The following EPHA5 variants were observed in gnomAD, a reference collection of about 807,000 sequenced individuals.
The protein encoded by EPHA5 is ephrin type-A receptor 5.
In EPHA5, 60 loss-of-function variants were observed where a neutral mutation model predicts 105.0. The observed-to-expected ratio is 0.57, with a 90% CI of 0.46 to 0.71. EPHA5 has a LOEUF of 0.71. Among genes scored for constraint, EPHA5 ranks in the 30% least tolerant of loss-of-function variants. EPHA5 has a pLI of 0.00. For missense variants in EPHA5, 1,218 were observed against 1,274.7 expected (o/e 0.96, Z 0.68); for synonymous variants, 513 against 449.1 (o/e 1.14, Z -1.80).
At chr4:65,514,893 A>G (rs554151705) in intron 3 of EPHA5, among the ~76,000 whole-genome samples, 2 of 152,022 alleles carry the variant, frequency 1.3e-5, no homozygotes, top group East Asian at 1.9e-4. Context: ...CTTGACCTCA[A>G]CTCCAATAAT....
At chr4:65,398,296 C>G (rs1292111187) in intron 8 of EPHA5, among the ~76,000 whole-genome samples, 1 of 152,152 alleles carries the variant, frequency 6.6e-6, no homozygotes, top group Non-Finnish European at 1.5e-5. Context: ...GCTGACACAG[C>G]AGTCCCCTGT....
rs1470605422 is a variant in EPHA5, at chr4:65,538,612, G to A, written c.911-43069C>T. Reference sequence around the variant, plus strand: ...AAAAATAAAAAGATTAACAGATGGAGTCAAGAGCAGAGACAGACAAGTGAC... The same window carrying A: ...AAAAATAAAAAGATTAACAGATGGAATCAAGAGCAGAGACAGACAAGTGAC... On this transcript the variant is annotated intron_variant, in intron 3 of 16. Transcript: ENST00000613740. Among the ~76,000 whole-genome samples the A allele has an allele frequency of 2.0e-5, 3 of 151,628 alleles. No homozygotes were observed. In the East Asian group the frequency reaches 5.8e-4, roughly 29 times the overall value.
intron 3 of EPHA5, among the ~76,000 whole-genome samples, chr4:65,571,075 C>T (rs1330397531): frequency 1.3e-5 from 2 of 151,626 alleles, no homozygotes; most frequent in Non-Finnish European, 2.9e-5. Flanking sequence ...TTTCTTTTTC[C>T]CTCCCTCTTC....
chr4:65,575,848 G>C (rs1355206231), intron 3 of EPHA5, among the ~76,000 whole-genome samples: 1 of 151,144 alleles, frequency 6.6e-6, no homozygotes, highest in Non-Finnish European at 1.5e-5. Flanking sequence ...GTAGTGATGG[G>C]CGCCTGTAAT....
At chr4:65,585,361 CA>C (rs964020672) in intron 3 of EPHA5, among the ~76,000 whole-genome samples, 12 of 148,396 alleles carry the variant, frequency 8.1e-5, no homozygotes, top group Non-Finnish European at 1.5e-4. Flanking sequence ...TTGGAGAAAA[CA>C]AAAAAAATCA....
intron 5 of EPHA5, among the ~76,000 whole-genome samples, chr4:65,458,465 T>C (rs1727822150): frequency 6.6e-6 from 1 of 152,202 alleles, no homozygotes; most frequent in African/African-American, 2.4e-5. Flanking sequence ...CATCTTAGCA[T>C]GTCCAAATCC....
At chr4:65,336,788 G>A (rs17086096) in intron 14 of EPHA5, among the ~76,000 whole-genome samples, 2,142 of 152,114 alleles carry the variant, frequency 0.014, 63 homozygotes, top group African/African-American at 0.049. Context: ...TAATTGTGAG[G>A]TCATTTTATC....
At chr4:65,595,674 G>A (rs1303570169) in intron 3 of EPHA5, among the ~76,000 whole-genome samples, 4 of 149,954 alleles carry the variant, frequency 2.7e-5, no homozygotes, top group African/African-American at 4.9e-5. Context: ...TCCACCTCCC[G>A]GGTTCACGCC....
intron 5 of EPHA5, among the ~76,000 whole-genome samples, chr4:65,458,278 T>C (rs1303326302): frequency 6.6e-6 from 1 of 152,104 alleles, no homozygotes; most frequent in African/African-American, 2.4e-5. Context: ...GAGAATTAAA[T>C]GAAATATTTA....
At chr4:65,467,696 A>G (rs1728852589) in intron 5 of EPHA5, among the ~76,000 whole-genome samples, 1 of 152,216 alleles carries the variant, frequency 6.6e-6, no homozygotes, top group African/African-American at 2.4e-5. Flanking sequence ...ACGTCTGTTT[A>G]CTAATTCACA....
chr4:65,480,156 A>G (rs1359890332), intron 5 of EPHA5, among the ~76,000 whole-genome samples: 1 of 152,206 alleles, frequency 6.6e-6, no homozygotes, highest in East Asian at 1.9e-4. Context: ...TGAGAGAGGG[A>G]GAGAGGATGA....
intron 5 of EPHA5, among the ~76,000 whole-genome samples, chr4:65,443,287 T>C (rs977297377): frequency 2.6e-5 from 4 of 151,990 alleles, no homozygotes; most frequent in African/African-American, 9.6e-5. Flanking sequence ...TATCCAAGTT[T>C]TTCTAATATG....
intron 3 of EPHA5, among the ~76,000 whole-genome samples, chr4:65,523,623 C>T (rs919961957): frequency 6.6e-6 from 1 of 151,906 alleles, no homozygotes; most frequent in African/African-American, 2.4e-5. Flanking sequence ...ATGGTATTTT[C>T]CTTTATAGAA....
At chr4:65,637,498 G>T (rs1747237390) in intron 2 of EPHA5, among the ~76,000 whole-genome samples, 1 of 146,972 alleles carries the variant, frequency 6.8e-6, no homozygotes, top group Non-Finnish European at 1.5e-5. Flanking sequence ...TTGAAATTCA[G>T]ATTTTATATG....
intron 5 of EPHA5, among the ~76,000 whole-genome samples, chr4:65,465,708 G>T (rs147241696): frequency 1.6e-3 from 241 of 152,228 alleles, no homozygotes; most frequent in African/African-American, 5.4e-3. Flanking sequence ...CTATGTAGTA[G>T]TAGTATCTTT....
chr4:65,624,438 CA>C (rs1009057142), intron 2 of EPHA5, among the ~76,000 whole-genome samples: 6 of 152,236 alleles, frequency 3.9e-5, no homozygotes, highest in East Asian at 1.9e-4. Flanking sequence ...TGCCTACAGA[CA>C]GGGGCAAGAA....
In EPHA5 at chr4:65,495,546, G is replaced by A. The variant is rs931042183; in HGVS notation, c.911-3C>T. ...TTTGAAGAACCCAGGTCTGCACACT[G>A]TCAAAAGAAATAAGAGACTAAGCTT... On this transcript the variant is annotated splice_polypyrimidine_tract_variant and splice_region_variant and intron_variant, in intron 3 of 16. Transcript: ENST00000613740. The A allele has an allele frequency of 2.5e-6, 4 of 1,604,622 alleles. No individual in the cohort carries two copies. Among genetic ancestry groups the A allele is most frequent in the Non-Finnish European group, 3.4e-6 (4 of 1,176,638 alleles).
intron 14 of EPHA5, among the ~76,000 whole-genome samples, chr4:65,345,280 G>A (rs1190479367): frequency 6.6e-6 from 1 of 152,186 alleles, no homozygotes; most frequent in African/African-American, 2.4e-5. Flanking sequence ...GCAATTTTAA[G>A]TGACTACAAG....
chr4:65,387,082 A>G (rs78368220), intron 8 of EPHA5, among the ~76,000 whole-genome samples: 1,956 of 152,050 alleles, frequency 0.013, 30 homozygotes, highest in African/African-American at 0.045. Flanking sequence ...GAAAATAGCT[A>G]AAGTGGTGCA....
Sources: allele counts gnomAD v4.1 joint callset (sites outside exome capture counted in the v4.1 genomes callset), GRCh38; gene constraint gnomAD v4.1.1; transcripts MANE v1.5; gene names NCBI Gene and HGNC (gene_info 2026-07-23, HGNC 2026-07-21).